Variants in A2M observed in about 807,000 individuals in gnomAD.
The protein encoded by A2M is C3 and PZP-like alpha-2-macroglobulin domain-containing protein 5.
In A2M, 128 loss-of-function variants were observed where a neutral mutation model predicts 183.9. The observed-to-expected ratio is 0.70, with a 90% CI of 0.60 to 0.81. The LOEUF (loss-of-function observed/expected upper bound fraction) is 0.81, where lower values mean the gene tolerates loss of function less well. Among genes scored for constraint, A2M ranks in the 30% least tolerant of loss-of-function variants. A2M has a pLI of 0.00. For synonymous variants in A2M, 592 were observed against 670.8 expected (o/e 0.88, Z 1.81); for missense variants, 1,495 against 1,787.6 (o/e 0.84, Z 2.95).
At chr12:9,085,152 A>G (rs1006161299) in intron 22 of A2M, among the ~76,000 whole-genome samples, 4 of 152,108 alleles carry the variant, frequency 2.6e-5, no homozygotes, top group African/African-American at 9.7e-5. Flanking sequence ...AAAACGTTGA[A>G]CTTGACCAAC....
At chr12:9,111,972 A>C in intron 4 of A2M, 187 bp downstream of exon 4, 1 of 763,096 alleles carries the variant, frequency 1.3e-6, no homozygotes, top group Non-Finnish European at 2.4e-6. Context: ...GCACCAAGAC[A>C]GAAAGAATTA....
rs1477644614 is a variant in A2M at position 9,079,793 on chromosome 12, C to T, written c.2877G>A (p.Met959Ile). Residue 959 changes from methionine (M) to isoleucine (I), a missense_variant, in exon 24 of 36, where the codon ATG (methionine) becomes ATA (isoleucine). By Grantham distance (10) the Met-to-Ile change is conservative (BLOSUM62 1). Coordinates refer to ENST00000318602, the MANE Select transcript of A2M (RefSeq NM_000014.6). ...SVLGDILGSA[M>I]QNTQNLLQMP... is the part of the protein sequence containing the mutation. ...TCTGGAGAAGATTTTGTGTGTTTTG[C>T]ATGGCAGAGCCTAATATGTCTCCTA... 6 of 1,609,932 alleles carry T rather than the reference C, an allele frequency of 3.7e-6. No individual in the cohort carries two copies. The highest frequency in any genetic ancestry group is 2.2e-5 in the South Asian group (2 of 90,038).
chr12:9,104,260 C>T lies in A2M; in HGVS notation c.1245G>A (p.Met415Ile). 1 of 1,612,406 alleles carries T rather than the reference C, an allele frequency of 6.2e-7. No individual in the cohort carries two copies. Among genetic ancestry groups the T allele is most frequent in the South Asian group, 1.1e-5 (1 of 90,572 alleles). Reference sequence around the variant, plus strand: ...TTACCCTAACAGTAAGAGAGGTACCCATAACATTGGTGGTGTTGATAGAGA... The same window carrying T: ...TTACCCTAACAGTAAGAGAGGTACCTATAACATTGGTGGTGTTGATAGAGA... ...VQFSINTTNVMGTSLTVRVNY... is the reference protein window; with the variant it reads ...VQFSINTTNVIGTSLTVRVNY... The change falls in exon 11 of 36, where the codon ATG (methionine) becomes ATA (isoleucine). Residue 415 changes from methionine to isoleucine, a missense_variant. Physicochemically the swap from Met to Ile is conservative, Grantham distance 10. Transcript: ENST00000318602.
At chr12:9,075,563 C>T (rs1053893405) in intron 28 of A2M, among the ~76,000 whole-genome samples, 2 of 152,008 alleles carry the variant, frequency 1.3e-5, no homozygotes, top group Non-Finnish European at 2.9e-5. Context: ...GTATAGGGGT[C>T]TTCATCAACA....
Position 9,107,551 on chromosome 12 carries a change from C to T in A2M, c.852G>A (p.Gln284=). 1 of 1,613,948 alleles carries T rather than the reference C, an allele frequency of 6.2e-7. No homozygotes were observed. The highest frequency in any genetic ancestry group is 1.7e-5 in the Admixed American group (1 of 60,024). Residue 284 remains glutamine (Q), a synonymous_variant, in exon 8 of 36, where the codon CAG becomes CAA. Transcript: ENST00000318602. ...GTCCACTGAATTTCTCACAGAAAGCCTGTGAATCTTCACCGTGGCAGTCGG... is the reference window on the plus strand; with the variant it reads ...GTCCACTGAATTTCTCACAGAAAGCTTGTGAATCTTCACCGTGGCAGTCGG... The part of the protein sequence containing the change: ...DASDCHGEDS[Q]AFCEKFSGQL...
chr12:9,107,747 A>G (rs1207398809), intron 7 of A2M, 103 bp from the exon 8 acceptor site: 8 of 1,366,758 alleles, frequency 5.9e-6, no homozygotes, highest in African/African-American at 4.3e-5. Flanking sequence ...CCCTGTCTGT[A>G]CTTCCCTCTG....
intron 17 of A2M, 120 bp from the exon 18 acceptor site, chr12:9,093,699 A>G (rs1949281781): frequency 5.0e-5 from 29 of 580,014 alleles, no homozygotes; most frequent in Non-Finnish European, 7.3e-5. Context: ...AATAGAGAGG[A>G]AGGAGGAGAG....
intron 15 of A2M, 46 bp from the exon 16 acceptor site, chr12:9,095,746 T>G (rs1395301621): frequency 3.0e-5 from 32 of 1,065,658 alleles, no homozygotes; most frequent in Non-Finnish European, 3.5e-5. Flanking sequence ...TTGTGACTTT[T>G]TTTTTTTTTT....
intron 22 of A2M, among the ~76,000 whole-genome samples, chr12:9,081,931 G>T (rs1948918445): frequency 6.6e-6 from 1 of 152,180 alleles, no homozygotes. Flanking sequence ...CAACTGCATA[G>T]CCCATCTGCA....
intron 28 of A2M, among the ~76,000 whole-genome samples, chr12:9,075,261 A>G (rs1389683460): frequency 2.0e-5 from 3 of 152,216 alleles, no homozygotes; most frequent in African/African-American, 7.2e-5. Context: ...ATGTGAAACA[A>G]TGGGAACCAA....
In A2M at chr12:9,112,192, G is replaced by A. The variant is rs368366089; in HGVS notation, c.450C>T (p.Ser150=). The change falls in exon 4 of 36, where the codon TCC becomes TCT. Residue 150 remains serine, a synonymous_variant. Transcript: ENST00000318602. ...PGQTVKFRVV[S]MDENFHPLNE... Reference sequence around the variant, plus strand: ...TCAGGGGGTGAAAGTTTTCATCCATGGAGACAACACGAAATTTCACTGAAA... The same window carrying A: ...TCAGGGGGTGAAAGTTTTCATCCATAGAGACAACACGAAATTTCACTGAAA... 6.2e-7 allele frequency: 1 copy of A among 1,613,754 alleles called. No homozygotes were observed. Among genetic ancestry groups the A allele is most frequent in the Non-Finnish European group, 8.5e-7 (1 of 1,179,762 alleles).
At position 9,115,919 on chromosome 12, in the gene A2M, C is replaced by G. The variant is rs761646250; in HGVS notation, c.-70G>C. 11 of 1,317,934 alleles carry G rather than the reference C, an allele frequency of 8.3e-6. No homozygotes were observed. The highest frequency in any genetic ancestry group is 5.1e-5 in the Admixed American group (3 of 59,066). The allele number at this position is 1,317,934 out of a possible 1,614,324, so 81.6% of individuals were successfully genotyped here. A position where few individuals can be genotyped will look rare whatever the true frequency, so the allele number is the denominator to read the frequency against. ...CTACTCCCTACAATCCATCTGGTCC[C>G]AAACACTTCCCAAAGCAACTGGGCT... is the stretch of plus-strand genomic sequence containing the variant. On this transcript the variant is annotated 5_prime_UTR_variant, in exon 1 of 36. Transcript: ENST00000318602.
chr12:9,086,856 T>G (rs1949065951), intron 22 of A2M, among the ~76,000 whole-genome samples: 1 of 152,218 alleles, frequency 6.6e-6, no homozygotes, highest in African/African-American at 2.4e-5. Flanking sequence ...TTTTCACTGT[T>G]GGTGATGACA....
intron 11 of A2M, 88 bp downstream of exon 11, chr12:9,104,151 G>C: frequency 7.4e-7 from 1 of 1,346,822 alleles, no homozygotes; most frequent in Non-Finnish European, 1.0e-6. Context: ...CATAGAACTA[G>C]ACACAGTTTG....
At chr12:9,101,423 C>G in intron 12 of A2M, 24 bp downstream of exon 12, 1 of 1,590,402 alleles carries the variant, frequency 6.3e-7, no homozygotes, top group Non-Finnish European at 8.6e-7. Context: ...ACAGTGAAGT[C>G]AACGCAGTAA....
chr12:9,076,619 AT>A, intron 28 of A2M, 136 bp downstream of exon 28: 1 of 734,078 alleles, frequency 1.4e-6, no homozygotes, highest in South Asian at 2.5e-5. Context: ...ATAAGATGCA[AT>A]ATGGACAAAA....
Position 9,077,413 on chromosome 12 carries a change from A to G in A2M, c.3284T>C (p.Val1095Ala), listed in dbSNP as rs1337962204. 5 of 1,612,382 alleles carry G rather than the reference A, an allele frequency of 3.1e-6. No individual in the cohort carries two copies. The highest frequency in any genetic ancestry group is 4.2e-6 in the Non-Finnish European group (5 of 1,179,258). ...GGCGGAGAGGGTCACTTCATCTTCTACTCCTCCCTGTGAATACGAGAGAGA... is the reference window on the plus strand; with the variant it reads ...GGCGGAGAGGGTCACTTCATCTTCTGCTCCTCCCTGTGAATACGAGAGAGA... Reference protein sequence around the residue: ...SLLNNAIKGGVEDEVTLSAYI... With the variant: ...SLLNNAIKGGAEDEVTLSAYI... Residue 1095 changes from valine to alanine, a missense_variant, in exon 27 of 36, where the codon GTA becomes GCA. Transcript: ENST00000318602.
chr12:9,102,739 C>T (rs1201159076), intron 11 of A2M, among the ~76,000 whole-genome samples: 1 of 152,092 alleles, frequency 6.6e-6, no homozygotes, highest in Non-Finnish European at 1.5e-5. Context: ...ATATGATCAC[C>T]CCAAACAGGG....
intron 21 of A2M, 67 bp downstream of exon 21, chr12:9,089,835 T>C (rs946184715): frequency 1.2e-5 from 12 of 995,340 alleles, no homozygotes; most frequent in Non-Finnish European, 1.7e-5. Flanking sequence ...AAAATATCCA[T>C]ATATTATTAT....
Sources: gnomAD v4.1 joint callset for allele counts (sites outside exome capture counted in the v4.1 genomes callset) on GRCh38, gnomAD v4.1.1 for gene constraint, MANE v1.5 for transcripts, NCBI Gene and HGNC (gene_info 2026-07-23, HGNC 2026-07-21) for gene names.